Variants in TTC4 observed in about 807,000 individuals in gnomAD.
TTC4 encodes the protein tetratricopeptide repeat domain 4.
A neutral mutation model predicts 51.9 loss-of-function variants in TTC4; 36 were observed. The ratio of observed to expected loss-of-function variants is 0.69; its 90% CI spans 0.53 to 0.92. TTC4 has a LOEUF of 0.92. Among genes scored for constraint, TTC4 ranks in the 40% least tolerant of loss-of-function variants. TTC4 has a pLI of 0.00. For synonymous variants in TTC4, 144 were observed against 164.2 expected, an observed-to-expected ratio of 0.88 and a Z score of 0.94; for missense variants, 399 against 454.6, an observed-to-expected ratio of 0.88 and a Z score of 1.11.
In TTC4 at chr1:54,722,584, C is replaced by G. The variant is rs567190567; in HGVS notation, c.470-91C>G. On this transcript the variant is annotated intron_variant, in intron 4 of 9. Coordinates refer to ENST00000371281, the MANE Select transcript of TTC4 (RefSeq NM_004623.5). ...CTCCATTTTGCCTTCAGGGTACTGG[C>G]TGGTAGTTGGTGGGGGATGGGAGAT... 1.2e-4 allele frequency: 183 copies of G among 1,567,138 alleles called. No individual in the cohort carries two copies. In the Middle Eastern group the frequency reaches 1.5e-3, roughly 13 times the overall value.
intron 4 of TTC4, among the ~76,000 whole-genome samples, chr1:54,722,392 G>T (rs1645753002): frequency 6.6e-6 from 1 of 152,140 alleles, no homozygotes; most frequent in South Asian, 2.1e-4. Flanking sequence ...TTCTAGCCTT[G>T]ATCTATCTGG....
chr1:54,728,197 T>C (rs1645824492), intron 5 of TTC4, 149 bp from the exon 6 acceptor site: 1 of 606,516 alleles, frequency 1.6e-6, no homozygotes, highest in Admixed American at 3.2e-5. Flanking sequence ...ACTTTGTAAA[T>C]GTTTATTGAA....
intron 9 of TTC4, among the ~76,000 whole-genome samples, chr1:54,739,979 A>G (rs1645991977): frequency 6.6e-6 from 1 of 152,210 alleles, no homozygotes; most frequent in South Asian, 2.1e-4. Context: ...TGAGCTCAGA[A>G]GTTAGAGATC....
chr1:54,723,373 C>T (rs956326573), intron 5 of TTC4, among the ~76,000 whole-genome samples: 5 of 152,112 alleles, frequency 3.3e-5, no homozygotes, highest in Non-Finnish European at 5.9e-5. Flanking sequence ...AAATTAGATA[C>T]CATTACTATA....
chr1:54,724,853 A>G (rs974276030), intron 5 of TTC4, among the ~76,000 whole-genome samples: 2 of 152,244 alleles, frequency 1.3e-5, no homozygotes, highest in East Asian at 1.9e-4. Flanking sequence ...ACTGGCAAAA[A>G]TGATCAGAAT....
At chr1:54,727,744 G>GT (rs1645818790) in intron 5 of TTC4, among the ~76,000 whole-genome samples, 1 of 150,084 alleles carries the variant, frequency 6.7e-6, no homozygotes, top group South Asian at 2.1e-4. Flanking sequence ...GACAATATTG[G>GT]TAAGTCATAA....
intron 7 of TTC4, among the ~76,000 whole-genome samples, chr1:54,732,098 G>T (rs547843308): frequency 2.7e-4 from 41 of 152,104 alleles, no homozygotes; most frequent in African/African-American, 9.6e-4. Flanking sequence ...TTGGGAGGCC[G>T]AGTCAGGCAG....
At chr1:54,737,404 C>T (rs181063610) in intron 8 of TTC4, 178 bp from the exon 9 acceptor site, 1 of 567,334 alleles carries the variant, frequency 1.8e-6, no homozygotes, top group Non-Finnish European at 3.1e-6. Context: ...TGATAATAGC[C>T]TCTTTTACAG....
At chr1:54,716,428 C>CCATTACACCACA (rs2101285809) in intron 1 of TTC4, among the ~76,000 whole-genome samples, 172 bp from the exon 2 acceptor site, 1 of 152,336 alleles carries the variant, frequency 6.6e-6, no homozygotes, top group African/African-American at 2.4e-5. Flanking sequence ...TCATTAGAGA[C>CCATTACACCACA]CATTACACCA....
chr1:54,720,732 C>G (rs1645733481), intron 3 of TTC4, among the ~76,000 whole-genome samples: 2 of 152,256 alleles, frequency 1.3e-5, no homozygotes, highest in Non-Finnish European at 1.5e-5. Flanking sequence ...CATGCTTTTA[C>G]ATTTATCCCT....
chr1:54,719,097 G>A (rs972350977), intron 3 of TTC4, among the ~76,000 whole-genome samples: 3 of 152,136 alleles, frequency 2.0e-5, no homozygotes, highest in Non-Finnish European at 4.4e-5. Flanking sequence ...TTGTGCCTGG[G>A]GGTTCCAGTC....
intron 7 of TTC4, among the ~76,000 whole-genome samples, chr1:54,732,260 G>A (rs937075035): frequency 6.8e-6 from 1 of 146,452 alleles, no homozygotes; most frequent in African/African-American, 2.5e-5. Context: ...GGTGGAGGGT[G>A]CAGTGAGCCG....
intron 9 of TTC4, among the ~76,000 whole-genome samples, chr1:54,739,189 A>G (rs964491262): frequency 2.0e-5 from 3 of 151,804 alleles, no homozygotes; most frequent in Non-Finnish European, 2.9e-5. Flanking sequence ...TTTTTTTTTA[A>G]ATTATTTTTA....
intron 5 of TTC4, among the ~76,000 whole-genome samples, chr1:54,727,390 ACTATACAACT>A (rs1645812989): frequency 6.6e-6 from 1 of 152,214 alleles, no homozygotes; most frequent in Non-Finnish European, 1.5e-5. Flanking sequence ...AAGAGCTAAG[ACTATACAACT>A]CTTAAAAGAA....
Position 54,741,489 on chromosome 1 carries a change from G to A in TTC4, c.1140G>A (p.Gly380=). 4 of 1,614,140 alleles carry A rather than the reference G, an allele frequency of 2.5e-6. No individual in the cohort carries two copies. Among genetic ancestry groups the A allele is most frequent in the Admixed American group, 1.7e-5 (1 of 60,026 alleles). ...SSPFCKNFLR[G]RKVYQIR The stretch of plus-strand genomic sequence containing the variant: ...CTTTTTGCAAGAATTTTCTCCGGGG[G>A]AGAAAGGTGTACCAGATACGATGAC... Residue 380 remains glycine, a synonymous_variant, in exon 10 of 10, where the codon GGG becomes GGA. Coordinates refer to ENST00000371281, the MANE Select transcript of TTC4 (RefSeq NM_004623.5).
chr1:54,721,363 A>G, intron 4 of TTC4, 123 bp downstream of exon 4: 1 of 784,492 alleles, frequency 1.3e-6, no homozygotes, highest in Non-Finnish European at 2.0e-6. Flanking sequence ...CAACAGCAAC[A>G]TGCCACTTTT....
At chr1:54,722,595 T>C in intron 4 of TTC4, 80 bp from the exon 5 acceptor site, 2 of 1,578,752 alleles carry the variant, frequency 1.3e-6, no homozygotes, top group East Asian at 2.2e-5. Context: ...TGGTAGTTGG[T>C]GGGGGATGGG....
chr1:54,716,741 G>GT, intron 2 of TTC4, 24 bp downstream of exon 2: 2 of 1,572,214 alleles, frequency 1.3e-6, no homozygotes, highest in Non-Finnish European at 1.7e-6. Flanking sequence ...ACTAATATTT[G>GT]TTTTGTGTTT....
intron 5 of TTC4, 79 bp from the exon 6 acceptor site, chr1:54,728,267 T>C: frequency 7.6e-7 from 1 of 1,322,518 alleles, no homozygotes; most frequent in South Asian, 1.3e-5. Flanking sequence ...AGGCCAGAGA[T>C]AATAATTTAG....
Sources: allele counts gnomAD v4.1 joint callset (sites outside exome capture counted in the v4.1 genomes callset), GRCh38; gene constraint gnomAD v4.1.1; transcripts MANE v1.5; gene names NCBI Gene and HGNC (gene_info 2026-07-23, HGNC 2026-07-21).